Variants in DLGAP1 observed in about 807,000 individuals in gnomAD.
DLGAP1 encodes disks large-associated protein 1.
Under a neutral mutation model 90.8 loss-of-function variants are expected in DLGAP1, and 11 were observed. That is an observed-to-expected ratio of 0.12 (90% CI 0.08 to 0.20). The LOEUF (loss-of-function observed/expected upper bound fraction) is 0.20. DLGAP1 is among the 10% of genes least tolerant of loss of function. The probability of loss-of-function intolerance (pLI) is 1.00; values close to 1 mark genes in which losing one functional copy is unlikely to be tolerated. For missense variants in DLGAP1, 1,050 were observed against 1,333.8 expected (o/e 0.79, Z 3.31); for synonymous variants, 558 against 540.7 (o/e 1.03, Z -0.44).
chr18:3,552,609 T>C (rs370564008), intron 9 of DLGAP1, among the ~76,000 whole-genome samples: 1 of 152,182 alleles, frequency 6.6e-6, no homozygotes, highest in Non-Finnish European at 1.5e-5. Context: ...ACACTGTTTG[T>C]ATATCTTCAC....
chr18:4,074,811 A>C (rs1330519992), intron 2 of DLGAP1, among the ~76,000 whole-genome samples: 1 of 152,160 alleles, frequency 6.6e-6, no homozygotes, highest in African/African-American at 2.4e-5. Context: ...CTTGTCCCAA[A>C]AATGTAAATG....
chr18:3,963,843 T>C (rs2073260689), intron 3 of DLGAP1, among the ~76,000 whole-genome samples: 1 of 152,132 alleles, frequency 6.6e-6, no homozygotes, highest in African/African-American at 2.4e-5. Context: ...CATTGAGCCC[T>C]AGATTTCGAA....
intron 7 of DLGAP1, among the ~76,000 whole-genome samples, chr18:3,606,228 C>CCAA (rs2057320024): frequency 6.6e-6 from 1 of 152,144 alleles, no homozygotes; most frequent in Admixed American, 6.6e-5. Context: ...GGTGCCTTGA[C>CCAA]GAGTCACCAC....
chr18:3,733,813 A>G (rs1395052703), intron 6 of DLGAP1, among the ~76,000 whole-genome samples: 4 of 152,172 alleles, frequency 2.6e-5, no homozygotes. Flanking sequence ...TCTGACTCAC[A>G]TGTTTTTCCT....
intron 9 of DLGAP1, among the ~76,000 whole-genome samples, chr18:3,552,838 TG>T (rs1310147286): frequency 6.6e-6 from 1 of 152,200 alleles, no homozygotes; most frequent in African/African-American, 2.4e-5. Context: ...ATGCATTTTG[TG>T]GGTTCTTAAA....
chr18:4,159,799 A>G (rs1448879027), intron 1 of DLGAP1, among the ~76,000 whole-genome samples: 1 of 152,234 alleles, frequency 6.6e-6, no homozygotes, highest in African/African-American at 2.4e-5. Flanking sequence ...GCACTTTAAA[A>G]TAGGTAGTGC....
intron 1 of DLGAP1, among the ~76,000 whole-genome samples, chr18:4,236,053 G>C (rs529033773): frequency 6.6e-6 from 1 of 152,154 alleles, no homozygotes; most frequent in Non-Finnish European, 1.5e-5. Flanking sequence ...TCTTCATGTA[G>C]CAGGAACTTT....
chr18:3,986,397 A>T (rs2073843573), intron 3 of DLGAP1: 1 of 148,158 alleles, frequency 6.7e-6, no homozygotes. Context: ...TCTTTTTAAA[A>T]TTTTATTTTG....
In DLGAP1 at chr18:3,677,050, A is replaced by G. The variant is rs563182869; in HGVS notation, c.1591+52085T>C. On this transcript the variant is annotated intron_variant, in intron 7 of 12. Coordinates refer to ENST00000315677, the MANE Select transcript of DLGAP1 (RefSeq NM_004746.4). ...TACTAACTTCCAGGATATTCCTGGA[A>G]TATCTTCTGTAGCGACTTCAGCCCG... is the stretch of plus-strand genomic sequence containing the variant. 1.8e-4 allele frequency among the ~76,000 whole-genome samples: 27 copies of G among 152,256 alleles called. 1 individual carries two copies. The South Asian group carries it at 5.2e-3, about 29-fold the overall frequency.
At chr18:4,419,471 A>G (rs2082979089) in intron 1 of DLGAP1, among the ~76,000 whole-genome samples, 1 of 152,100 alleles carries the variant, frequency 6.6e-6, no homozygotes, top group Non-Finnish European at 1.5e-5. Flanking sequence ...AGGAACTTCA[A>G]TCTACACAAA....
At chr18:3,555,965 C>G (rs906391937) in intron 9 of DLGAP1, among the ~76,000 whole-genome samples, 1 of 152,036 alleles carries the variant, frequency 6.6e-6, no homozygotes, top group Non-Finnish European at 1.5e-5. Context: ...AAACTTCTTT[C>G]TTTAGAGAGA....
chr18:4,168,858 A>G (rs2076977739), intron 1 of DLGAP1, among the ~76,000 whole-genome samples: 1 of 152,194 alleles, frequency 6.6e-6, no homozygotes, highest in Non-Finnish European at 1.5e-5. Flanking sequence ...AGCTGGAACT[A>G]CTGGTGTACA....
chr18:4,130,148 T>C (rs2076292070), intron 2 of DLGAP1, among the ~76,000 whole-genome samples: 1 of 152,136 alleles, frequency 6.6e-6, no homozygotes. Flanking sequence ...TTTCCTTCCG[T>C]GTTGGTTTTT....
At chr18:3,909,134 G>A (rs57376545) in intron 3 of DLGAP1, among the ~76,000 whole-genome samples, 1,616 of 152,262 alleles carry the variant, frequency 0.011, 28 homozygotes, top group African/African-American at 0.036. Flanking sequence ...CTGAGTGTTT[G>A]TTGCCATGAC....
chr18:4,161,347 G>A (rs1051563271), intron 1 of DLGAP1, among the ~76,000 whole-genome samples: 8 of 152,068 alleles, frequency 5.3e-5, no homozygotes, highest in African/African-American at 1.9e-4. Context: ...TGTGGTGTTT[G>A]GTTTTATGTT....
chr18:3,684,187 A>AT (rs2060621199), intron 7 of DLGAP1, among the ~76,000 whole-genome samples: 2 of 150,352 alleles, frequency 1.3e-5, no homozygotes, highest in Non-Finnish European at 3.0e-5. Flanking sequence ...TTTAATTAAA[A>AT]TTTTTTTTCC....
intron 8 of DLGAP1, among the ~76,000 whole-genome samples, chr18:3,572,531 C>A (rs1207470453): frequency 1.3e-5 from 2 of 151,966 alleles, no homozygotes; most frequent in Non-Finnish European, 2.9e-5. Context: ...CACTAAGCAA[C>A]CTCCACCCCC....
chr18:4,037,772 C>A (rs1353867641), intron 2 of DLGAP1, among the ~76,000 whole-genome samples: 3 of 152,170 alleles, frequency 2.0e-5, no homozygotes, highest in Non-Finnish European at 4.4e-5. Flanking sequence ...CCAGCCTGGC[C>A]AACATAGTGA....
At chr18:3,871,809 A>G (rs2070763936) in intron 4 of DLGAP1, among the ~76,000 whole-genome samples, 1 of 152,244 alleles carries the variant, frequency 6.6e-6, no homozygotes, top group Admixed American at 6.5e-5. Context: ...CAGCATGTGT[A>G]TAAATGCATA....
Sources: allele counts gnomAD v4.1 joint callset (sites outside exome capture counted in the v4.1 genomes callset), GRCh38; gene constraint gnomAD v4.1.1; transcripts MANE v1.5; gene names NCBI Gene and HGNC (gene_info 2026-07-23, HGNC 2026-07-21).